SLC44A1: variants seen among roughly 807,000 people sequenced by gnomAD.
The protein encoded by SLC44A1 is choline transporter-like protein 1.
A neutral mutation model predicts 79.3 loss-of-function variants in SLC44A1; 26 were observed. The ratio of observed to expected loss-of-function variants is 0.33; its 90% CI spans 0.24 to 0.46. The LOEUF (loss-of-function observed/expected upper bound fraction) is 0.46, where lower values mean the gene tolerates loss of function less well. SLC44A1 is among the 20% of genes least tolerant of loss of function. SLC44A1 has a pLI of 1.00. For synonymous variants in SLC44A1, 263 were observed against 286.2 expected, an observed-to-expected ratio of 0.92 and a Z score of 0.82; for missense variants, 688 against 798.1, an observed-to-expected ratio of 0.86 and a Z score of 1.66.
At chr9:105,411,673 A>C (rs376546025) in intron 15 of SLC44A1, among the ~76,000 whole-genome samples, 21 of 151,710 alleles carry the variant, frequency 1.4e-4, no homozygotes, top group African/African-American at 5.1e-4. Context: ...CATGACCTTG[A>C]TGTATTTGAA....
chr9:105,433,779 T>C (rs1829429572), intron 15 of SLC44A1, among the ~76,000 whole-genome samples: 2 of 152,172 alleles, frequency 1.3e-5, no homozygotes, highest in Admixed American at 1.3e-4. Flanking sequence ...GGGGGTTCTC[T>C]AGCTAGAAAG....
chr9:105,342,260 G>A (rs1309364259), intron 4 of SLC44A1, among the ~76,000 whole-genome samples: 1 of 152,152 alleles, frequency 6.6e-6, no homozygotes, highest in Non-Finnish European at 1.5e-5. Flanking sequence ...TTAGTAGCAT[G>A]ATGAAATCTT....
At chr9:105,324,670 C>A (rs929568261) in intron 3 of SLC44A1, among the ~76,000 whole-genome samples, 23 of 152,100 alleles carry the variant, frequency 1.5e-4, no homozygotes, top group African/African-American at 5.6e-4. Context: ...ACTCAGAGAT[C>A]TGAAAGAAAT....
intron 1 of SLC44A1, among the ~76,000 whole-genome samples, chr9:105,251,078 C>T (rs898011116): frequency 1.3e-5 from 2 of 152,158 alleles, no homozygotes; most frequent in African/African-American, 2.4e-5. Flanking sequence ...TAACAGTTCC[C>T]AAACTAAATT....
Position 105,390,430 on chromosome 9 carries a change from C to CAAAAAAAAAAAAAAAAAAAAAAAA in SLC44A1, c.*1395_*1396insAAAAAAAAAAAAAAAAAAAAAAAA. 1.5e-6 allele frequency: 1 copy of CAAAAAAAAAAAAAAAAAAAAAAAA among 688,814 alleles called. No homozygotes were observed. Among genetic ancestry groups the CAAAAAAAAAAAAAAAAAAAAAAAA allele is most frequent in the Non-Finnish European group, 1.7e-6 (1 of 594,726 alleles). 42.7% of individuals were successfully genotyped at this position (688,814 alleles called of 1,614,324 possible). ...TATTGCACTAAATACAGGCTCTGTACAAAAAAAAAAAAAAAAAAAAAGCCT... is the reference window on the plus strand; with the variant it reads ...TATTGCACTAAATACAGGCTCTGTACAAAAAAAAAAAAAAAAAAAAAAAAAAAAAAAAAAAAAAAAAAAAAGCCT... On this transcript the variant is annotated 3_prime_UTR_variant, in exon 16 of 16. Coordinates refer to ENST00000374720, the MANE Select transcript of SLC44A1 (RefSeq NM_080546.5).
chr9:105,275,563 C>A (rs568353936), intron 1 of SLC44A1, among the ~76,000 whole-genome samples: 2 of 152,194 alleles, frequency 1.3e-5, no homozygotes, highest in Admixed American at 6.5e-5. Context: ...AAATTTGTAA[C>A]CTTCTTTTGA....
At chr9:105,352,164 C>A (rs1170347125) in intron 5 of SLC44A1, among the ~76,000 whole-genome samples, 1 of 152,160 alleles carries the variant, frequency 6.6e-6, no homozygotes, top group Non-Finnish European at 1.5e-5. Flanking sequence ...AAAAGAAACA[C>A]CACTCCATGT....
intron 3 of SLC44A1, among the ~76,000 whole-genome samples, chr9:105,334,265 G>A (rs1447965366): frequency 6.8e-6 from 1 of 147,932 alleles, no homozygotes; most frequent in East Asian, 2.0e-4. Flanking sequence ...CGTTTGGTAA[G>A]TTATACCTGA....
At chr9:105,358,152 C>T (rs1278229960) in intron 6 of SLC44A1, among the ~76,000 whole-genome samples, 192 bp from the exon 7 acceptor site, 2 of 152,070 alleles carry the variant, frequency 1.3e-5, no homozygotes, top group Admixed American at 6.6e-5. Flanking sequence ...ACTTTGGTTT[C>T]GAGTGATGCT....
chr9:105,411,452 A>ATGTGTGTGTG (rs143819316), intron 15 of SLC44A1, among the ~76,000 whole-genome samples: 1,672 of 127,554 alleles, frequency 0.013, 12 homozygotes, highest in Non-Finnish European at 0.02. Flanking sequence ...CTCTCTGTGT[A>ATGTGTGTGTG]TGTGTGTGTG....
intron 15 of SLC44A1, among the ~76,000 whole-genome samples, chr9:105,421,945 G>C (rs917146959): frequency 6.6e-6 from 1 of 152,132 alleles, no homozygotes; most frequent in African/African-American, 2.4e-5. Context: ...TTTCAGTCTT[G>C]CACAGGCCTA....
intron 1 of SLC44A1, among the ~76,000 whole-genome samples, chr9:105,262,875 T>C (rs1475576653): frequency 6.6e-6 from 1 of 152,256 alleles, no homozygotes. Flanking sequence ...TTTTTAAATC[T>C]CATTTGGTTC....
intron 2 of SLC44A1, among the ~76,000 whole-genome samples, chr9:105,303,263 A>G (rs1178681511): frequency 1.3e-5 from 2 of 151,994 alleles, no homozygotes; most frequent in Non-Finnish European, 2.9e-5. Context: ...CTTGGGCCCA[A>G]AAGGCTAAAG....
Position 105,391,281 on chromosome 9 carries a change from T to G in SLC44A1, c.*2225T>G, listed in dbSNP as rs1828757351. On this transcript the variant is annotated 3_prime_UTR_variant, in exon 16 of 16. Coordinates refer to ENST00000374720, the MANE Select transcript of SLC44A1 (RefSeq NM_080546.5). ...CTATTTGGAAGCTACCAGGAATGCT[T>G]TCTAATTATCATTTGCAACTAGAAC... 2.0e-6 allele frequency: 2 copies of G among 985,744 alleles called. No homozygotes were observed. The highest frequency in any genetic ancestry group is 6.1e-5 in the Admixed American group (1 of 16,266). The allele number at this position is 985,744 out of a possible 1,614,324, so 61.1% of individuals were successfully genotyped here. A position where few individuals can be genotyped will look rare whatever the true frequency, so the allele number is the denominator to read the frequency against.
chr9:105,336,505 C>A (rs894653440), intron 4 of SLC44A1, among the ~76,000 whole-genome samples: 2 of 151,938 alleles, frequency 1.3e-5, no homozygotes, highest in East Asian at 3.9e-4. Context: ...TTTTAACCAC[C>A]CTTTGTAGAG....
intron 5 of SLC44A1, among the ~76,000 whole-genome samples, chr9:105,354,093 C>G (rs1827541700): frequency 7.2e-6 from 1 of 139,024 alleles, no homozygotes; most frequent in Non-Finnish European, 1.5e-5. Flanking sequence ...CTCTGTCGCC[C>G]AGGCTGGAGT....
At chr9:105,386,905 G>A (rs1429924227) in intron 15 of SLC44A1, among the ~76,000 whole-genome samples, 10 of 147,520 alleles carry the variant, frequency 6.8e-5, no homozygotes, top group East Asian at 3.9e-4. Flanking sequence ...TGGGCATGGC[G>A]GCGTGTGCCT....
Position 105,364,698 on chromosome 9 carries a change from G to T in SLC44A1, c.1231G>T (p.Val411Leu). The change falls in exon 10 of 16, where the codon GTG (valine) becomes TTG (leucine). Residue 411 changes from valine (V) to leucine (L), a missense_variant. By Grantham distance (32) the Val-to-Leu change is conservative. Coordinates refer to ENST00000374720, the MANE Select transcript of SLC44A1 (RefSeq NM_080546.5). ...TCAGCAGATGACAGTGGCAGGAGCT[G>T]TGGTAACATACTATTTTACTAGGTA... ...ACQQMTVAGA[V>L]VTYYFTRDKR... 1.2e-6 allele frequency: 2 copies of T among 1,613,562 alleles called. No individual in the cohort carries two copies. Among genetic ancestry groups the T allele is most frequent in the Non-Finnish European group, 1.7e-6 (2 of 1,179,794 alleles).
intron 15 of SLC44A1, among the ~76,000 whole-genome samples, chr9:105,435,274 G>A (rs1829449440): frequency 6.6e-6 from 1 of 152,194 alleles, no homozygotes; most frequent in African/African-American, 2.4e-5. Flanking sequence ...TATGTGTTAT[G>A]TCTGTGCCTA....
Sources: allele counts gnomAD v4.1 joint callset (sites outside exome capture counted in the v4.1 genomes callset), GRCh38; gene constraint gnomAD v4.1.1; transcripts MANE v1.5; gene names NCBI Gene and HGNC (gene_info 2026-07-23, HGNC 2026-07-21).